CADPS: variants seen among roughly 807,000 people sequenced by gnomAD.
The protein encoded by CADPS is calcium dependent secretion activator, also known as calcium-dependent secretion activator 1.
CADPS carries 57 observed loss-of-function variants against 167.3 expected under a neutral mutation model. That is an observed-to-expected ratio of 0.34 (90% CI 0.28 to 0.42). The LOEUF (loss-of-function observed/expected upper bound fraction) is 0.42. CADPS is among the 20% of genes least tolerant of loss of function. The probability of loss-of-function intolerance (pLI) is 1.00; values close to 1 mark genes in which losing one functional copy is unlikely to be tolerated. For missense variants in CADPS, 1,414 were observed against 1,738.1 expected (o/e 0.81, Z 3.32); for synonymous variants, 676 against 635.3 (o/e 1.06, Z -0.96).
intron 3 of CADPS, among the ~76,000 whole-genome samples, chr3:62,731,429 A>G (rs896888241): frequency 6.6e-6 from 1 of 152,172 alleles, no homozygotes; most frequent in African/African-American, 2.4e-5. Context: ...TCTCAAATTC[A>G]GTATCATGTG....
In CADPS at chr3:62,465,520, TC is replaced by T; in HGVS notation, c.3553-71del. The T allele has an allele frequency of 9.6e-7, 1 of 1,046,458 alleles. No individual in the cohort carries two copies. Among genetic ancestry groups the T allele is most frequent in the Non-Finnish European group, 1.4e-6 (1 of 703,180 alleles). The allele number at this position is 1,046,458 out of a possible 1,614,324, so 64.8% of individuals were successfully genotyped here. On this transcript the variant is annotated intron_variant, in intron 25 of 29. Coordinates refer to ENST00000383710, the MANE Select transcript of CADPS (RefSeq NM_003716.4). This position sits in a 1 kb window ranked among gnomAD's most constrained non-coding sequence, Gnocchi z 4.1. ...ATTGTTCACCATAAAGCACATCATT[TC>T]CCCACCACATAAAGGCTGGGATCGA...
chr3:62,444,635 A>C (rs1339658385), intron 27 of CADPS, among the ~76,000 whole-genome samples: 3 of 152,220 alleles, frequency 2.0e-5, no homozygotes, highest in African/African-American at 2.4e-5. Flanking sequence ...GTGGATAGGA[A>C]GTATCATATA....
In CADPS at chr3:62,668,444, C is replaced by T. The variant is rs2074891265; in HGVS notation, c.889-6050G>A. Reference sequence around the variant, plus strand: ...GGCTTTTGGGAGGGCTAGCTTTCTCCTGCTGCCAGGTTTTTGCACAGGCTG... The same window carrying T: ...GGCTTTTGGGAGGGCTAGCTTTCTCTTGCTGCCAGGTTTTTGCACAGGCTG... On this transcript the variant is annotated intron_variant, in intron 3 of 29. Coordinates refer to ENST00000383710, the MANE Select transcript of CADPS (RefSeq NM_003716.4). 2.0e-5 allele frequency among the ~76,000 whole-genome samples: 3 copies of T among 152,134 alleles called. No individual in the cohort carries two copies. The South Asian group carries it at 6.2e-4, about 32-fold the overall frequency.
At chr3:62,811,604 A>G (rs2094398002) in intron 1 of CADPS, among the ~76,000 whole-genome samples, 1 of 152,214 alleles carries the variant, frequency 6.6e-6, no homozygotes, top group African/African-American at 2.4e-5. Flanking sequence ...GACCTTCTCC[A>G]GCAGTTACTT....
chr3:62,406,214 G>T (rs1437885194), intron 28 of CADPS, among the ~76,000 whole-genome samples: 2 of 152,130 alleles, frequency 1.3e-5, no homozygotes, highest in East Asian at 3.9e-4. Flanking sequence ...CCTTCGTGGG[G>T]GATTTTTTCA....
intron 5 of CADPS, among the ~76,000 whole-genome samples, chr3:62,648,137 TG>T (rs918849184): frequency 3.3e-5 from 5 of 152,320 alleles, no homozygotes; most frequent in African/African-American, 1.2e-4. Context: ...TCCCTCTTCT[TG>T]CCTGCCCTCA....
At chr3:62,855,854 A>G (rs2079572709) in intron 1 of CADPS, among the ~76,000 whole-genome samples, 2 of 152,162 alleles carry the variant, frequency 1.3e-5, no homozygotes, top group South Asian at 4.1e-4. Flanking sequence ...TTAAGGGGCA[A>G]TATGATAAAA....
chr3:62,763,356 A>T (rs2086010959), intron 2 of CADPS, among the ~76,000 whole-genome samples: 1 of 152,190 alleles, frequency 6.6e-6, no homozygotes, highest in Admixed American at 6.5e-5. Context: ...CCAAGAAGGA[A>T]GTCAACACAG....
Position 62,585,214 on chromosome 3 carries a change from C to T in CADPS, c.1548G>A (p.Met516Ile), listed in dbSNP as rs1178708640. Residue 516 changes from methionine (M) to isoleucine (I), a missense_variant, in exon 8 of 30, where the codon ATG becomes ATA. Transcript: ENST00000383710. ...QDLKIKLAVR[M>I]DKPQNMKHSG... ...AATGCTTCATGTTTTGAGGCTTATC[C>T]ATTCGGACAGCAAGTTTGATTTTGA... 1.2e-6 allele frequency: 2 copies of T among 1,613,846 alleles called. No individual in the cohort carries two copies. Among genetic ancestry groups the T allele is most frequent in the Non-Finnish European group, 1.7e-6 (2 of 1,179,928 alleles).
chr3:62,429,949 T>C (rs1368805291), intron 28 of CADPS, among the ~76,000 whole-genome samples: 1 of 152,160 alleles, frequency 6.6e-6, no homozygotes, highest in Non-Finnish European at 1.5e-5. Flanking sequence ...CCAGAGAAAA[T>C]TCAAGACTGG....
chr3:62,581,483 C>T (rs2083427260), intron 8 of CADPS, among the ~76,000 whole-genome samples: 1 of 149,750 alleles, frequency 6.7e-6, no homozygotes. Flanking sequence ...TCGAGACCAG[C>T]CAAGACAACA....
chr3:62,622,076 C>G (rs1255321627), intron 6 of CADPS, among the ~76,000 whole-genome samples: 12 of 152,092 alleles, frequency 7.9e-5, no homozygotes, highest in Admixed American at 7.9e-4. Context: ...CTCTTGCATT[C>G]AAACTTCTCA....
In CADPS at chr3:62,687,734, ATTTT is replaced by A. The variant is rs201429638; in HGVS notation, c.889-25344_889-25341del. 3.2e-3 allele frequency among the ~76,000 whole-genome samples: 406 copies of A among 128,294 alleles called. 1 individual carries two copies. The highest frequency in any genetic ancestry group is 7.5e-3 in the East Asian group (31 of 4,114). The allele number at this position is 128,294 out of a possible 152,430, so 84.2% of individuals were successfully genotyped here. ...TTGCTACTTCCGGGGTTCCCTTCGC[ATTTT>A]TTTTTTTTTTTTTTGCTTCTATCTT... On this transcript the variant is annotated intron_variant, in intron 3 of 29. Transcript: ENST00000383710.
chr3:62,567,224 C>G (rs976134675), intron 9 of CADPS, among the ~76,000 whole-genome samples: 2 of 152,092 alleles, frequency 1.3e-5, no homozygotes, highest in African/African-American at 4.8e-5. Context: ...AGTACTTCAT[C>G]ATATCAAAAG....
At chr3:62,518,360 C>A in intron 13 of CADPS, 110 bp from the exon 14 acceptor site, 2 of 761,632 alleles carry the variant, frequency 2.6e-6, no homozygotes, top group South Asian at 1.8e-5. Flanking sequence ...CTACAGTGAT[C>A]GATGTGAGCT....
At chr3:62,461,209 G>A (rs1426996440) in intron 26 of CADPS, among the ~76,000 whole-genome samples, 1 of 152,222 alleles carries the variant, frequency 6.6e-6, no homozygotes, top group Admixed American at 6.5e-5. Flanking sequence ...AAAGCACATA[G>A]CTTTGTGCCA....
chr3:62,694,882 TGCC>T (rs2079982984), intron 3 of CADPS, among the ~76,000 whole-genome samples: 1 of 152,024 alleles, frequency 6.6e-6, no homozygotes, highest in Non-Finnish European at 1.5e-5. Context: ...ATGAAGTAGA[TGCC>T]ATCAATCAGA....
In CADPS at chr3:62,420,990, C is replaced by T. The variant is rs1265656874; in HGVS notation, c.3777+17114G>A. On this transcript the variant is annotated intron_variant, in intron 28 of 29. Coordinates refer to ENST00000383710, the MANE Select transcript of CADPS (RefSeq NM_003716.4). This position sits in a 1 kb window ranked among gnomAD's most constrained non-coding sequence, Gnocchi z 4.1. ...TCATTTCTGTAAAAGGCACAAACCT[C>T]AGACCATTGTCCTTATACAAGATAC... Among the ~76,000 whole-genome samples, 2 of 152,014 alleles carry T rather than the reference C, an allele frequency of 1.3e-5. No homozygotes were observed. Among genetic ancestry groups the T allele is most frequent in the African/African-American group, 4.8e-5 (2 of 41,394 alleles).
chr3:62,603,980 C>A (rs1320430023), intron 6 of CADPS, among the ~76,000 whole-genome samples: 4 of 148,232 alleles, frequency 2.7e-5, no homozygotes, highest in Non-Finnish European at 6.0e-5. Flanking sequence ...GCACTCACCA[C>A]CACGCCCGGC....
Sources: allele counts gnomAD v4.1 joint callset (sites outside exome capture counted in the v4.1 genomes callset), GRCh38; gene constraint gnomAD v4.1.1; non-coding constraint Gnocchi (gnomAD v3.1); transcripts MANE v1.5; gene names NCBI Gene and HGNC (gene_info 2026-07-23, HGNC 2026-07-21).